The following SPATS2L variants were observed in gnomAD, a reference collection of about 807,000 sequenced individuals.
The protein encoded by SPATS2L is spermatogenesis associated serine rich 2 like.
A neutral mutation model predicts 59.6 loss-of-function variants in SPATS2L; 30 were observed. The observed-to-expected ratio is 0.50, with a 90% CI of 0.38 to 0.68. The LOEUF is 0.68. SPATS2L is among the 30% of genes least tolerant of loss of function. The pLI, the probability that SPATS2L is intolerant of heterozygous loss-of-function variation, is 0.00. For missense variants in SPATS2L, 615 were observed against 700.0 expected (o/e 0.88, Z 1.37); for synonymous variants, 252 against 263.5 (o/e 0.96, Z 0.42).
chr2:200,391,688 T>A (rs933524864), intron 3 of SPATS2L, among the ~76,000 whole-genome samples: 1 of 152,258 alleles, frequency 6.6e-6, no homozygotes, highest in Non-Finnish European at 1.5e-5. Flanking sequence ...TCATGTTAAA[T>A]AACCTTTCTG....
intron 1 of SPATS2L, among the ~76,000 whole-genome samples, chr2:200,316,976 G>C (rs777844340): frequency 3.3e-5 from 5 of 152,204 alleles, no homozygotes; most frequent in Non-Finnish European, 5.9e-5. Context: ...GAGAAAGGAA[G>C]ACAGATATAG....
chr2:200,306,537 G>A, upstream of SPATS2L: 2 of 1,002,436 alleles, frequency 2.0e-6, no homozygotes, highest in Non-Finnish European at 2.4e-6. Context: ...AAACCCGAGA[G>A]AGGCGTGAGC....
Position 200,472,867 on chromosome 2 carries a change from C to G in SPATS2L, c.1096C>G (p.Pro366Ala), listed in dbSNP as rs372408998. Reference sequence around the variant, plus strand: ...AAAGAACAACTATTCCTCAAGAACTCCCTGCAGCTCCCTGCTGCCTCTGCT... The same window carrying G: ...AAAGAACAACTATTCCTCAAGAACTGCCTGCAGCTCCCTGCTGCCTCTGCT... ...HPKNNYSSRT[P>A]CSSLLPLLNA... is the part of the protein sequence containing the mutation. Residue 366 changes from proline (P) to alanine (A), a missense_variant, in exon 12 of 13, where the codon CCC (proline) becomes GCC (alanine). By Grantham distance (27) the Pro-to-Ala change is conservative. This residue lies in a region of SPATS2L where 284 missense variants were observed against 280.1 expected (regional missense o/e 1.01). Coordinates refer to ENST00000409140, the MANE Select transcript of SPATS2L (RefSeq NM_001100423.2). 38 of 1,613,830 alleles carry G rather than the reference C, an allele frequency of 2.4e-5. No individual in the cohort carries two copies. Among genetic ancestry groups the G allele is most frequent in the Non-Finnish European group, 2.5e-5 (30 of 1,179,874 alleles).
At chr2:200,380,839 A>G (rs2081784540) in intron 2 of SPATS2L, among the ~76,000 whole-genome samples, 1 of 152,222 alleles carries the variant, frequency 6.6e-6, no homozygotes, top group East Asian at 1.9e-4. Flanking sequence ...AAAAATGCCA[A>G]TCTAAGTATA....
intron 11 of SPATS2L, among the ~76,000 whole-genome samples, chr2:200,471,418 C>CA (rs955011262): frequency 6.6e-6 from 1 of 152,226 alleles, no homozygotes; most frequent in African/African-American, 2.4e-5. Context: ...GATGCCCTGT[C>CA]ACCACCGATC....
intron 1 of SPATS2L, among the ~76,000 whole-genome samples, chr2:200,312,681 G>A (rs2079231367): frequency 6.6e-6 from 1 of 152,234 alleles, no homozygotes; most frequent in African/African-American, 2.4e-5. Flanking sequence ...AGGTTGAGTA[G>A]CTAGTAATTT....
chr2:200,413,994 G>C (rs1231367555), intron 4 of SPATS2L, among the ~76,000 whole-genome samples: 1 of 152,114 alleles, frequency 6.6e-6, no homozygotes, highest in Non-Finnish European at 1.5e-5. Context: ...GCATATCCTG[G>C]ATCAGATACA....
intron 2 of SPATS2L, among the ~76,000 whole-genome samples, chr2:200,379,048 C>T (rs1244628361): frequency 6.6e-6 from 1 of 152,148 alleles, no homozygotes; most frequent in Non-Finnish European, 1.5e-5. Flanking sequence ...GTGCCCAAAA[C>T]CTTGAGCCAG....
intron 8 of SPATS2L, among the ~76,000 whole-genome samples, chr2:200,451,094 G>A (rs144869036): frequency 0.013 from 2,003 of 152,278 alleles, 48 homozygotes; most frequent in African/African-American, 0.046. Flanking sequence ...CAAGGTAGGA[G>A]GATTGCTTGA....
chr2:200,410,736 T>C (rs1284315337), intron 3 of SPATS2L, among the ~76,000 whole-genome samples: 1 of 152,204 alleles, frequency 6.6e-6, no homozygotes, highest in Non-Finnish European at 1.5e-5. Context: ...TATGATTTTA[T>C]ACCACTTAAG....
chr2:200,426,694 C>T (rs2083603548), intron 6 of SPATS2L, among the ~76,000 whole-genome samples: 1 of 152,080 alleles, frequency 6.6e-6, no homozygotes, highest in African/African-American at 2.4e-5. Flanking sequence ...ACCACTGTAC[C>T]CCAGCCTGCG....
At chr2:200,334,179 T>G (rs1309067312) in intron 2 of SPATS2L, among the ~76,000 whole-genome samples, 1 of 152,216 alleles carries the variant, frequency 6.6e-6, no homozygotes, top group Non-Finnish European at 1.5e-5. Context: ...TTCCTGACTT[T>G]TTAATGATCG....
At chr2:200,437,393 C>G (rs2084371309) in intron 6 of SPATS2L, among the ~76,000 whole-genome samples, 1 of 152,160 alleles carries the variant, frequency 6.6e-6, no homozygotes, top group South Asian at 2.1e-4. Flanking sequence ...TACCACCCAT[C>G]TCCACTCCAA....
chr2:200,422,585 G>A (rs964387065), intron 6 of SPATS2L, among the ~76,000 whole-genome samples: 1 of 151,648 alleles, frequency 6.6e-6, no homozygotes, highest in African/African-American at 2.4e-5. Context: ...GTAATGGAAG[G>A]TTAGTAGATG....
intron 3 of SPATS2L, among the ~76,000 whole-genome samples, chr2:200,402,845 A>C (rs933930143): frequency 6.6e-6 from 1 of 152,198 alleles, no homozygotes; most frequent in African/African-American, 2.4e-5. Flanking sequence ...TAACAAATCT[A>C]AGATATAGAG....
chr2:200,479,688 A>G lies in SPATS2L; in HGVS notation c.*1657A>G. 1 of 398,612 alleles carries G rather than the reference A, an allele frequency of 2.5e-6. No homozygotes were observed. The allele number at this position is 398,612 out of a possible 1,614,324, so 24.7% of individuals were successfully genotyped here. On this transcript the variant is annotated 3_prime_UTR_variant, in exon 13 of 13. Transcript: ENST00000409140. ...TGTCCTACATATCTGTTGACTACTCACAAGTGCAAATGCTTATTCTCAACT... is the reference window on the plus strand; with the variant it reads ...TGTCCTACATATCTGTTGACTACTCGCAAGTGCAAATGCTTATTCTCAACT...
chr2:200,395,596 G>A (rs1381110442), intron 3 of SPATS2L, among the ~76,000 whole-genome samples: 4 of 152,110 alleles, frequency 2.6e-5, no homozygotes, highest in Admixed American at 2.0e-4. Flanking sequence ...GCCTCACAAA[G>A]TCATCAAGTA....
At chr2:200,368,263 C>T (rs2081323890) in intron 2 of SPATS2L, among the ~76,000 whole-genome samples, 1 of 152,132 alleles carries the variant, frequency 6.6e-6, no homozygotes, top group Admixed American at 6.5e-5. Flanking sequence ...ATGTGGTGGA[C>T]AATACATAGT....
At chr2:200,452,993 G>A (rs533274367) in intron 8 of SPATS2L, among the ~76,000 whole-genome samples, 1 of 152,228 alleles carries the variant, frequency 6.6e-6, no homozygotes. Context: ...TGACAGACCC[G>A]GGAATTCCAG....
Sources: gnomAD v4.1 joint callset for allele counts (sites outside exome capture counted in the v4.1 genomes callset) on GRCh38, gnomAD v4.1.1 for gene constraint, gnomAD v4.1.1 regional missense constraint, MANE v1.5 for transcripts, NCBI Gene and HGNC (gene_info 2026-07-23, HGNC 2026-07-21) for gene names.